The following ADAMTSL3 variants were observed in gnomAD, a reference collection of about 807,000 sequenced individuals.
The protein encoded by ADAMTSL3 is ADAMTS like 3.
In ADAMTSL3, 128 loss-of-function variants were observed where a neutral mutation model predicts 201.7. That is an observed-to-expected ratio of 0.63 (90% CI 0.55 to 0.73). The LOEUF (loss-of-function observed/expected upper bound fraction) is 0.73, where lower values mean the gene tolerates loss of function less well. Among genes scored for constraint, ADAMTSL3 ranks in the 30% least tolerant of loss-of-function variants. ADAMTSL3 has a pLI of 0.00. For synonymous variants in ADAMTSL3, 738 were observed against 748.4 expected, an observed-to-expected ratio of 0.99 and a Z score of 0.23; for missense variants, 1,990 against 2,119.6, an observed-to-expected ratio of 0.94 and a Z score of 1.20.
chr15:83,976,455 A>T (rs1050586580), intron 20 of ADAMTSL3, among the ~76,000 whole-genome samples: 4 of 152,050 alleles, frequency 2.6e-5, no homozygotes, highest in Non-Finnish European at 5.9e-5. Flanking sequence ...AGCACATTAA[A>T]TGTATTGTGT....
At chr15:83,876,832 G>A (rs1420514619) in intron 9 of ADAMTSL3, among the ~76,000 whole-genome samples, 2 of 151,988 alleles carry the variant, frequency 1.3e-5, no homozygotes, top group South Asian at 2.1e-4. Flanking sequence ...TCTCTCTGTC[G>A]CCCAGACTGG....
At chr15:83,800,832 C>G (rs2063504364) in intron 4 of ADAMTSL3, among the ~76,000 whole-genome samples, 1 of 152,204 alleles carries the variant, frequency 6.6e-6, no homozygotes, top group South Asian at 2.1e-4. Flanking sequence ...CTTCCCTCAA[C>G]TGGGGCTTTT....
chr15:83,862,474 T>C (rs571995319), intron 8 of ADAMTSL3: 89 of 152,244 alleles, frequency 5.8e-4, no homozygotes, highest in African/African-American at 2.1e-3. Context: ...TCAAAATTCT[T>C]AAAGAAAAGA....
chr15:83,756,570 A>G (rs1395581939), intron 3 of ADAMTSL3, among the ~76,000 whole-genome samples: 2 of 151,562 alleles, frequency 1.3e-5, no homozygotes, highest in African/African-American at 4.8e-5. Context: ...TTGGGTGGGG[A>G]CACAGCCAAA....
chr15:83,944,657 C>A (rs1230706719), intron 19 of ADAMTSL3, among the ~76,000 whole-genome samples: 2 of 152,176 alleles, frequency 1.3e-5, no homozygotes. Context: ...AAACCCAGGC[C>A]TGTGTGACCC....
At chr15:83,719,973 A>G (rs1381969412) in intron 3 of ADAMTSL3, among the ~76,000 whole-genome samples, 1 of 152,202 alleles carries the variant, frequency 6.6e-6, no homozygotes, top group African/African-American at 2.4e-5. Context: ...TAATCCCAGT[A>G]CTTTGGGAGG....
intron 4 of ADAMTSL3, among the ~76,000 whole-genome samples, chr15:83,782,949 ATATATAT>A (rs1420592116): frequency 2.7e-5 from 4 of 147,110 alleles, no homozygotes; most frequent in African/African-American, 5.0e-5. Flanking sequence ...ATATACACAC[ATATATAT>A]TATATATACA....
chr15:83,770,491 G>A (rs745372353), intron 3 of ADAMTSL3, among the ~76,000 whole-genome samples: 26 of 152,048 alleles, frequency 1.7e-4, no homozygotes, highest in Non-Finnish European at 2.9e-4. Flanking sequence ...GCGTATATAC[G>A]CCTATGCCTA....
intron 8 of ADAMTSL3, 51 bp from the exon 9 acceptor site, chr15:83,870,751 T>TA: frequency 6.9e-7 from 1 of 1,444,434 alleles, no homozygotes; most frequent in African/African-American, 1.5e-5. Flanking sequence ...TCTTTTGTAA[T>TA]AAAATACCTT....
At chr15:83,948,010 A>G (rs1391472559) in intron 19 of ADAMTSL3, among the ~76,000 whole-genome samples, 1 of 152,038 alleles carries the variant, frequency 6.6e-6, no homozygotes, top group Non-Finnish European at 1.5e-5. Context: ...CACCTCCTAT[A>G]TTGTTATTCG....
chr15:83,737,305 G>C (rs997257287), intron 3 of ADAMTSL3, among the ~76,000 whole-genome samples: 3 of 152,080 alleles, frequency 2.0e-5, no homozygotes, highest in Non-Finnish European at 4.4e-5. Flanking sequence ...AATTGATATG[G>C]TTAGGTTTTG....
intron 5 of ADAMTSL3, among the ~76,000 whole-genome samples, chr15:83,813,793 A>G (rs1159432325): frequency 6.6e-6 from 1 of 152,186 alleles, no homozygotes; most frequent in African/African-American, 2.4e-5. Flanking sequence ...CTTTATAGCC[A>G]GAGACTGGCC....
intron 1 of ADAMTSL3, among the ~76,000 whole-genome samples, chr15:83,655,315 G>A (rs1443611775): frequency 6.6e-6 from 1 of 152,306 alleles, no homozygotes; most frequent in South Asian, 2.1e-4. Flanking sequence ...GTGACCTTAG[G>A]CAGGTCCTTT....
At chr15:83,757,921 C>G (rs1245811429) in intron 3 of ADAMTSL3, among the ~76,000 whole-genome samples, 4 of 152,166 alleles carry the variant, frequency 2.6e-5, no homozygotes, top group Non-Finnish European at 5.9e-5. Context: ...TCACTTTGCT[C>G]TAGTTCCCAA....
intron 3 of ADAMTSL3, among the ~76,000 whole-genome samples, chr15:83,766,038 A>G (rs929641442): frequency 1.3e-5 from 2 of 152,072 alleles, no homozygotes; most frequent in African/African-American, 4.8e-5. Flanking sequence ...CATGTAACCT[A>G]TCATACGGAA....
At chr15:83,838,523 C>A (rs1256025010) in intron 7 of ADAMTSL3, among the ~76,000 whole-genome samples, 1 of 152,190 alleles carries the variant, frequency 6.6e-6, no homozygotes, top group Admixed American at 6.5e-5. Flanking sequence ...CCTTTGACTG[C>A]TAACAAGGTA....
intron 6 of ADAMTSL3, among the ~76,000 whole-genome samples, chr15:83,836,921 A>C (rs1226534569): frequency 6.6e-6 from 1 of 152,198 alleles, no homozygotes; most frequent in Non-Finnish European, 1.5e-5. Flanking sequence ...AGTTAGATGA[A>C]TATGGGAAGG....
chr15:83,708,830 A>G (rs1305188242), intron 3 of ADAMTSL3, among the ~76,000 whole-genome samples: 1 of 152,224 alleles, frequency 6.6e-6, no homozygotes, highest in Non-Finnish European at 1.5e-5. Flanking sequence ...AGAATTATAC[A>G]GTTTTACAGC....
chr15:83,852,001 A>G (rs2064625287), intron 7 of ADAMTSL3, among the ~76,000 whole-genome samples: 1 of 152,186 alleles, frequency 6.6e-6, no homozygotes, highest in South Asian at 2.1e-4. Flanking sequence ...ACCTTTCCAT[A>G]CAAACATGTA....
Sources: gnomAD v4.1 joint callset for allele counts (sites outside exome capture counted in the v4.1 genomes callset) on GRCh38, gnomAD v4.1.1 for gene constraint, MANE v1.5 for transcripts, NCBI Gene and HGNC (gene_info 2026-07-23, HGNC 2026-07-21) for gene names.